The following GRID2 variants were observed in gnomAD, a reference collection of about 807,000 sequenced individuals.
GRID2 encodes glutamate receptor ionotropic, delta-2.
In GRID2, 33 loss-of-function variants were observed where a neutral mutation model predicts 114.8. That is an observed-to-expected ratio of 0.29 (90% confidence interval 0.22 to 0.38). GRID2 has a LOEUF of 0.38. GRID2 is among the 10% of genes least tolerant of loss of function. The pLI is 1.00. For missense variants in GRID2, 1,184 were observed against 1,257.7 expected, an observed-to-expected ratio of 0.94 and a Z score of 0.89; for synonymous variants, 505 against 449.9, an observed-to-expected ratio of 1.12 and a Z score of -1.55.
At chr4:92,676,496 G>A (rs1011157376) in intron 2 of GRID2, among the ~76,000 whole-genome samples, 8 of 151,904 alleles carry the variant, frequency 5.3e-5, no homozygotes, top group African/African-American at 1.9e-4. Flanking sequence ...CTTTTAACCT[G>A]TAAATTCTGT....
intron 2 of GRID2, among the ~76,000 whole-genome samples, chr4:92,862,325 A>G (rs1019514172): frequency 2.0e-5 from 3 of 152,092 alleles, no homozygotes; most frequent in Non-Finnish European, 4.4e-5. Context: ...AATGAAATTC[A>G]TTAAGGGTTT....
intron 1 of GRID2, among the ~76,000 whole-genome samples, chr4:92,500,314 C>A (rs780704817): frequency 6.6e-6 from 1 of 151,966 alleles, no homozygotes; most frequent in Admixed American, 6.6e-5. Context: ...TCCACTTGAT[C>A]TCCCAGCGCA....
intron 13 of GRID2, among the ~76,000 whole-genome samples, chr4:93,613,855 A>T (rs902778385): frequency 4.0e-5 from 6 of 151,256 alleles, no homozygotes; most frequent in South Asian, 2.1e-4. Context: ...TCGAGCTTCC[A>T]GGCTGCTTTG....
At chr4:92,555,076 G>T (rs747275613) in intron 1 of GRID2, among the ~76,000 whole-genome samples, 19 of 152,184 alleles carry the variant, frequency 1.2e-4, no homozygotes, top group Non-Finnish European at 2.4e-4. Context: ...GTGGGATCCA[G>T]TCGTGAGAGT....
intron 2 of GRID2, among the ~76,000 whole-genome samples, chr4:92,791,714 G>A (rs1739601063): frequency 6.6e-6 from 1 of 151,834 alleles, no homozygotes; most frequent in African/African-American, 2.4e-5. Context: ...ACTGAATTGT[G>A]TGAGGAGTTT....
intron 2 of GRID2, among the ~76,000 whole-genome samples, chr4:92,951,940 CTCACCT>C (rs1752071945): frequency 6.6e-6 from 1 of 152,116 alleles, no homozygotes; most frequent in African/African-American, 2.4e-5. Flanking sequence ...GATATGCTAT[CTCACCT>C]AAGTCTTATT....
intron 14 of GRID2, among the ~76,000 whole-genome samples, chr4:93,725,914 T>A (rs1325035440): frequency 6.6e-6 from 1 of 152,190 alleles, no homozygotes; most frequent in Admixed American, 6.5e-5. Flanking sequence ...TTGCAAAAAT[T>A]TTCTCCCATT....
In GRID2 at chr4:93,633,397, C is replaced by G. The variant is rs113600558; in HGVS notation, c.2360+6962C>G. On this transcript the variant is annotated intron_variant, in intron 14 of 15. Transcript: ENST00000282020. ...TCTCTCTATCTTGATACTTCTTACA[C>G]TTTACCTCTTGTTTCCTACCTCCTG... Among the ~76,000 whole-genome samples, 964 of 152,128 alleles carry G rather than the reference C, an allele frequency of 6.3e-3. 14 individuals carry two copies. Among genetic ancestry groups the G allele is most frequent in the African/African-American group, 0.021 (893 of 41,536 alleles).
intron 2 of GRID2, among the ~76,000 whole-genome samples, chr4:92,611,102 G>A (rs1369370945): frequency 2.1e-5 from 3 of 146,218 alleles, no homozygotes; most frequent in Non-Finnish European, 4.6e-5. Context: ...ATGTGTGTGT[G>A]TATATGTGTG....
chr4:93,608,773 C>T (rs1293721309), intron 13 of GRID2, among the ~76,000 whole-genome samples: 6 of 137,122 alleles, frequency 4.4e-5, no homozygotes, highest in Admixed American at 2.9e-4. Context: ...AATAAACATA[C>T]GGGTGCATGT....
intron 13 of GRID2, among the ~76,000 whole-genome samples, chr4:93,543,296 A>T (rs962342436): frequency 2.6e-5 from 4 of 152,216 alleles, no homozygotes; most frequent in Admixed American, 1.3e-4. Flanking sequence ...GAAAAAAAAT[A>T]TGAAGTACTT....
At chr4:93,721,461 A>G (rs1729370360) in intron 14 of GRID2, among the ~76,000 whole-genome samples, 1 of 152,198 alleles carries the variant, frequency 6.6e-6, no homozygotes, top group Non-Finnish European at 1.5e-5. Flanking sequence ...ATTCAGATGT[A>G]ATAAAGGAAA....
chr4:93,242,586 A>G (rs764654482), intron 8 of GRID2, among the ~76,000 whole-genome samples: 4 of 152,088 alleles, frequency 2.6e-5, no homozygotes, highest in Admixed American at 6.6e-5. Flanking sequence ...GCAATGAAGA[A>G]AGGAAGAGTA....
At chr4:92,384,740 A>T (rs551112705) in intron 1 of GRID2, among the ~76,000 whole-genome samples, 40 of 137,822 alleles carry the variant, frequency 2.9e-4, no homozygotes, top group African/African-American at 1.0e-3. Flanking sequence ...TTACTTGCTG[A>T]ATTAGTAAAA....
chr4:92,939,603 C>T (rs1458833592), intron 2 of GRID2, among the ~76,000 whole-genome samples: 2 of 147,098 alleles, frequency 1.4e-5, no homozygotes, highest in Non-Finnish European at 3.0e-5. Flanking sequence ...GCTTTTGTTG[C>T]CATTGCTTTT....
intron 2 of GRID2, among the ~76,000 whole-genome samples, chr4:92,698,146 G>C (rs952068780): frequency 2.0e-5 from 3 of 152,120 alleles, no homozygotes; most frequent in Non-Finnish European, 2.9e-5. Flanking sequence ...TTGTCTTTCT[G>C]TCTAAATGCT....
rs372718506 is a variant in GRID2, at chr4:93,664,267, A to C, written c.2360+37832A>C. On this transcript the variant is annotated intron_variant, in intron 14 of 15. Coordinates refer to ENST00000282020, the MANE Select transcript of GRID2 (RefSeq NM_001510.4). ...GTGGCCCAGGGCCAGATCATTTACA[A>C]CTTTAATAGCCAGTGCCAGGGCTTT... 1.3e-4 allele frequency among the ~76,000 whole-genome samples: 20 copies of C among 152,332 alleles called. No homozygotes were observed. In the East Asian group the frequency reaches 1.4e-3, roughly 10 times the overall value.
At chr4:93,579,605 A>G (rs1736764016) in intron 13 of GRID2, among the ~76,000 whole-genome samples, 1 of 152,154 alleles carries the variant, frequency 6.6e-6, no homozygotes, top group Non-Finnish European at 1.5e-5. Context: ...GTTGGTGTTG[A>G]AAGAGACAGT....
intron 1 of GRID2, among the ~76,000 whole-genome samples, chr4:92,566,815 A>C (rs1042744724): frequency 2.5e-4 from 38 of 152,092 alleles, no homozygotes; most frequent in African/African-American, 8.4e-4. Context: ...AGTTTCACTC[A>C]AAGTATGACT....
Sources: gnomAD v4.1 joint callset for allele counts (sites outside exome capture counted in the v4.1 genomes callset) on GRCh38, gnomAD v4.1.1 for gene constraint, MANE v1.5 for transcripts, NCBI Gene and HGNC (gene_info 2026-07-23, HGNC 2026-07-21) for gene names.